Variants in MIGA1 observed in about 807,000 individuals in gnomAD.
MIGA1 encodes mitoguardin 1, also known as family with sequence similarity 73, member A.
In MIGA1, 58 loss-of-function variants were observed where a neutral mutation model predicts 82.0. That is an observed-to-expected ratio of 0.71 (90% CI 0.57 to 0.88). MIGA1 has a LOEUF of 0.88. MIGA1 is among the 40% of genes least tolerant of loss of function. The pLI is 0.00. For missense variants in MIGA1, 751 were observed against 749.1 expected (o/e 1.00, Z -0.03); for synonymous variants, 249 against 253.6 (o/e 0.98, Z 0.17).
At chr1:77,845,830 A>T (rs1684817015) in intron 8 of MIGA1, among the ~76,000 whole-genome samples, 1 of 152,208 alleles carries the variant, frequency 6.6e-6, no homozygotes. Flanking sequence ...TAGTTAGATT[A>T]AAACAATTTC....
chr1:77,857,529 T>A (rs1339499415), intron 8 of MIGA1, among the ~76,000 whole-genome samples: 2 of 151,760 alleles, frequency 1.3e-5, no homozygotes, highest in Non-Finnish European at 2.9e-5. Flanking sequence ...CTAATTTTTT[T>A]AATTAGAGGA....
In MIGA1 at chr1:77,811,651, T is replaced by C. The variant is rs528291258; in HGVS notation, c.638-2083T>C. On this transcript the variant is annotated intron_variant, in intron 5 of 15. Transcript: ENST00000370791. ...ATTATTGTGTTGAGCTTGGGCCTCC[T>C]TTTGTAGATGTCTTGCTAATATCTG... 1.2e-4 allele frequency: 201 copies of C among 1,612,132 alleles called. No homozygotes were observed. In the African/African-American group the frequency reaches 2.4e-3, roughly 19 times the overall value.
At chr1:77,848,764 G>A (rs1277306784) in intron 8 of MIGA1, 54 of 1,365,392 alleles carry the variant, frequency 4.0e-5, no homozygotes, top group Non-Finnish European at 5.2e-5. Context: ...GATGGTGCAG[G>A]TTAATGCAAA....
intron 14 of MIGA1, 98 bp from the exon 15 acceptor site, chr1:77,872,906 C>CA: frequency 6.7e-7 from 1 of 1,486,742 alleles, no homozygotes; most frequent in South Asian, 1.2e-5. Context: ...CTTAAACTCC[C>CA]ACTGGTCATA....
intron 7 of MIGA1, among the ~76,000 whole-genome samples, chr1:77,828,415 G>A (rs1215217073): frequency 6.6e-6 from 1 of 152,120 alleles, no homozygotes; most frequent in African/African-American, 2.4e-5. Context: ...TGCTTACGAG[G>A]CCCTGCAGGT....
chr1:77,854,894 C>G (rs1685187739), intron 8 of MIGA1, among the ~76,000 whole-genome samples: 1 of 152,096 alleles, frequency 6.6e-6, no homozygotes, highest in Non-Finnish European at 1.5e-5. Flanking sequence ...AAAGCTCTTT[C>G]GTTTAATTAG....
chr1:77,815,598 T>C (rs1488353777), intron 7 of MIGA1, among the ~76,000 whole-genome samples: 1 of 152,254 alleles, frequency 6.6e-6, no homozygotes, highest in Non-Finnish European at 1.5e-5. Flanking sequence ...CTTTAAAGAA[T>C]TATGTATGTT....
At chr1:77,847,657 C>A in intron 8 of MIGA1, 4 of 1,569,544 alleles carry the variant, frequency 2.5e-6, no homozygotes, top group Non-Finnish European at 3.5e-6. Context: ...TTGGATGTAA[C>A]CAAGCAGAAA....
At chr1:77,792,528 A>T (rs564791492) in intron 2 of MIGA1, among the ~76,000 whole-genome samples, 1 of 152,332 alleles carries the variant, frequency 6.6e-6, no homozygotes, top group East Asian at 1.9e-4. Context: ...AAGTTTCTAC[A>T]GTTTGTTTCA....
intron 7 of MIGA1, among the ~76,000 whole-genome samples, chr1:77,831,516 A>G (rs948146178): frequency 5.9e-5 from 9 of 151,962 alleles, no homozygotes; most frequent in Non-Finnish European, 2.9e-5. Flanking sequence ...TTTGGTAAAA[A>G]TTAGGCTTCA....
chr1:77,818,805 C>T (rs1009382495), intron 7 of MIGA1, among the ~76,000 whole-genome samples: 3 of 151,938 alleles, frequency 2.0e-5, no homozygotes, highest in Non-Finnish European at 4.4e-5. Flanking sequence ...GTTGGCTGGG[C>T]GTGGTGGCTC....
chr1:77,810,012 T>A (rs1364832644), intron 5 of MIGA1, among the ~76,000 whole-genome samples: 12 of 152,204 alleles, frequency 7.9e-5, no homozygotes, highest in African/African-American at 2.7e-4. Flanking sequence ...CACTTATGCC[T>A]GCAGTATCTC....
intron 2 of MIGA1, among the ~76,000 whole-genome samples, chr1:77,796,754 T>C (rs1361056211): frequency 6.6e-6 from 1 of 152,254 alleles, no homozygotes; most frequent in Non-Finnish European, 1.5e-5. Context: ...TTGATTTACT[T>C]TTCACAGCCT....
intron 7 of MIGA1, among the ~76,000 whole-genome samples, chr1:77,820,321 T>TA (rs1430533647): frequency 6.6e-6 from 1 of 152,134 alleles, no homozygotes; most frequent in East Asian, 1.9e-4. Flanking sequence ...GCTAATGAGT[T>TA]ACTCTGACGG....
chr1:77,810,734 C>T (rs1440145903), intron 5 of MIGA1: 5 of 1,082,438 alleles, frequency 4.6e-6, no homozygotes, highest in East Asian at 2.6e-5. Flanking sequence ...CATTGGACTC[C>T]GTCCGGCCTA....
intron 7 of MIGA1, among the ~76,000 whole-genome samples, chr1:77,831,450 T>G (rs888317022): frequency 6.6e-6 from 1 of 151,482 alleles, no homozygotes; most frequent in Non-Finnish European, 1.5e-5. Flanking sequence ...TATCACACAA[T>G]AAAAATATAT....
chr1:77,787,431 G>A (rs994411240), intron 2 of MIGA1, among the ~76,000 whole-genome samples: 15 of 151,182 alleles, frequency 9.9e-5, no homozygotes, highest in Admixed American at 6.6e-5. Flanking sequence ...TGTTGCATGG[G>A]CTGGAATGCA....
intron 14 of MIGA1, among the ~76,000 whole-genome samples, chr1:77,872,492 C>T (rs1376378570): frequency 6.6e-6 from 1 of 152,022 alleles, no homozygotes; most frequent in South Asian, 2.1e-4. Context: ...TTCCAGCTAC[C>T]TGGAATTTTG....
intron 15 of MIGA1, among the ~76,000 whole-genome samples, chr1:77,873,385 C>A (rs768851698): frequency 6.6e-6 from 1 of 152,140 alleles, no homozygotes; most frequent in African/African-American, 2.4e-5. Flanking sequence ...CTTATCAATT[C>A]CCTAATGCAA....
Sources: allele counts gnomAD v4.1 joint callset (sites outside exome capture counted in the v4.1 genomes callset), GRCh38; gene constraint gnomAD v4.1.1; transcripts MANE v1.5; gene names NCBI Gene and HGNC (gene_info 2026-07-23, HGNC 2026-07-21).